Variants in MED12L observed in about 807,000 individuals in gnomAD.
The protein encoded by MED12L is mediator complex subunit 12L, also known as mediator of RNA polymerase II transcription subunit 12-like protein.
In MED12L, 60 loss-of-function variants were observed where a neutral mutation model predicts 281.3. The observed-to-expected ratio is 0.21, with a 90% CI of 0.17 to 0.26. The LOEUF (loss-of-function observed/expected upper bound fraction) is 0.26. Among genes scored for constraint, MED12L ranks in the 10% least tolerant of loss-of-function variants. The pLI, the probability that MED12L is intolerant of heterozygous loss-of-function variation, is 1.00. For synonymous variants in MED12L, 974 were observed against 987.2 expected, an observed-to-expected ratio of 0.99 and a Z score of 0.25; for missense variants, 2,146 against 2,680.9, an observed-to-expected ratio of 0.80 and a Z score of 4.41.
intron 6 of MED12L, among the ~76,000 whole-genome samples, chr3:151,157,687 A>C (rs1719463725): frequency 6.6e-6 from 1 of 152,176 alleles, no homozygotes; most frequent in African/African-American, 2.4e-5. Context: ...GCAAGATGTC[A>C]TGTCAATGTG....
At chr3:151,326,973 G>A (rs1286936903) in intron 16 of MED12L, 1 of 152,180 alleles carries the variant, frequency 6.6e-6, no homozygotes, top group East Asian at 1.9e-4. Context: ...TTGTGGGTCA[G>A]CAATTACGTC....
intron 16 of MED12L, chr3:151,328,556 A>G (rs1315275961): frequency 1.2e-6 from 2 of 1,613,816 alleles, no homozygotes; most frequent in African/African-American, 1.3e-5. Flanking sequence ...AAAGAACCAG[A>G]TGAAGATTGA....
chr3:151,388,292 C>G (rs988703976), intron 37 of MED12L, 120 bp downstream of exon 37: 2 of 1,251,636 alleles, frequency 1.6e-6, no homozygotes, highest in African/African-American at 3.0e-5. Context: ...TATGACAGTT[C>G]TCCTAACAGG....
At chr3:151,420,305 G>A (rs2108418156) in intron 43 of MED12L, among the ~76,000 whole-genome samples, 2 of 152,238 alleles carry the variant, frequency 1.3e-5, no homozygotes, top group South Asian at 4.1e-4. Flanking sequence ...TTAGCCTGTT[G>A]GCTTAAAGGT....
chr3:151,214,983 C>T (rs947945255), intron 16 of MED12L, among the ~76,000 whole-genome samples: 2 of 151,930 alleles, frequency 1.3e-5, no homozygotes, highest in African/African-American at 2.4e-5. Context: ...GCTATTCAGA[C>T]GGACCTTACT....
chr3:151,393,635 GCTAT>G (rs1363557185), intron 38 of MED12L, among the ~76,000 whole-genome samples: 11 of 152,000 alleles, frequency 7.2e-5, no homozygotes, highest in Admixed American at 2.0e-4. Context: ...TATCTTTGTA[GCTAT>G]CTATTTAGGA....
chr3:151,091,332 G>C (rs1345873512), intron 2 of MED12L, among the ~76,000 whole-genome samples: 1 of 152,134 alleles, frequency 6.6e-6, no homozygotes, highest in Non-Finnish European at 1.5e-5. Flanking sequence ...CAACTTCAGA[G>C]GACATTCAGA....
intron 11 of MED12L, among the ~76,000 whole-genome samples, chr3:151,179,473 T>G (rs1418823138): frequency 6.6e-6 from 1 of 152,248 alleles, no homozygotes; most frequent in East Asian, 1.9e-4. Context: ...TTTGTTTTTC[T>G]TATGTCCAAA....
intron 3 of MED12L, among the ~76,000 whole-genome samples, chr3:151,116,908 A>G (rs868298737): frequency 5.3e-5 from 8 of 152,178 alleles, no homozygotes; most frequent in Non-Finnish European, 1.0e-4. Flanking sequence ...GGTGTCTACC[A>G]TCTCCCTGCA....
chr3:151,115,588 C>G (rs1447865863), intron 2 of MED12L, among the ~76,000 whole-genome samples: 1 of 151,410 alleles, frequency 6.6e-6, no homozygotes, highest in Non-Finnish European at 1.5e-5. Context: ...CTCAGGTGAT[C>G]CACATGCCTT....
At chr3:151,301,947 T>A (rs1471669860) in intron 16 of MED12L, among the ~76,000 whole-genome samples, 1 of 152,262 alleles carries the variant, frequency 6.6e-6, no homozygotes, top group Non-Finnish European at 1.5e-5. Context: ...CAATGACTTG[T>A]ATGCAGTTGT....
chr3:151,219,647 A>G (rs1728931145), intron 16 of MED12L: 1 of 152,206 alleles, frequency 6.6e-6, no homozygotes, highest in Admixed American at 6.5e-5. Context: ...AAGATCCTGC[A>G]TTACACAAAA....
At chr3:151,262,376 G>A (rs1392795758) in intron 16 of MED12L, among the ~76,000 whole-genome samples, 1 of 152,178 alleles carries the variant, frequency 6.6e-6, no homozygotes, top group Non-Finnish European at 1.5e-5. Context: ...GGAAGAATTT[G>A]CACACTGAGA....
At chr3:151,206,536 T>A (rs6790349) in intron 16 of MED12L, among the ~76,000 whole-genome samples, 4 of 151,920 alleles carry the variant, frequency 2.6e-5, no homozygotes, top group African/African-American at 9.7e-5. Context: ...AATAAAGAAC[T>A]TTTAAAGATT....
intron 21 of MED12L, among the ~76,000 whole-genome samples, chr3:151,361,946 A>G (rs760373837): frequency 1.1e-4 from 16 of 152,146 alleles, no homozygotes; most frequent in Non-Finnish European, 1.8e-4. Context: ...ATTATTTACT[A>G]TAGATGGGTA....
chr3:151,431,417 C>G (rs1029656192), intron 44 of MED12L, among the ~76,000 whole-genome samples: 2 of 152,162 alleles, frequency 1.3e-5, no homozygotes, highest in Admixed American at 6.6e-5. Context: ...AGGGATATCC[C>G]TCTTACACCT....
intron 39 of MED12L, among the ~76,000 whole-genome samples, chr3:151,404,946 A>G (rs1045089452): frequency 6.6e-6 from 1 of 152,216 alleles, no homozygotes; most frequent in Non-Finnish European, 1.5e-5. Flanking sequence ...AGATCAGATT[A>G]AGACACAGAA....
chr3:151,271,639 G>A (rs1740967666), intron 16 of MED12L, among the ~76,000 whole-genome samples: 1 of 152,202 alleles, frequency 6.6e-6, no homozygotes, highest in African/African-American at 2.4e-5. Context: ...TAAACAAATT[G>A]TGGTATACTC....
intron 12 of MED12L, among the ~76,000 whole-genome samples, chr3:151,186,781 C>T (rs1723341586): frequency 6.6e-6 from 1 of 152,212 alleles, no homozygotes; most frequent in African/African-American, 2.4e-5. Flanking sequence ...TGTTGCAGTG[C>T]ACATTTATCT....
Sources: gnomAD v4.1 joint callset for allele counts (sites outside exome capture counted in the v4.1 genomes callset) on GRCh38, gnomAD v4.1.1 for gene constraint, MANE v1.5 for transcripts, NCBI Gene and HGNC (gene_info 2026-07-23, HGNC 2026-07-21) for gene names.